The following CACNB2 variants were observed in gnomAD, a reference collection of about 807,000 sequenced individuals.
The protein encoded by CACNB2 is voltage-dependent L-type calcium channel subunit beta-2.
A neutral mutation model predicts 73.3 loss-of-function variants in CACNB2; 42 were observed. The ratio of observed to expected loss-of-function variants is 0.57; its 90% CI spans 0.45 to 0.74. The LOEUF is 0.74. CACNB2 is among the 30% of genes least tolerant of loss of function. The pLI is 0.00. For missense variants in CACNB2, 940 were observed against 853.0 expected (o/e 1.10, Z -1.27); for synonymous variants, 348 against 310.3 (o/e 1.12, Z -1.28).
intron 3 of CACNB2, among the ~76,000 whole-genome samples, chr10:18,429,253 T>C (rs1351101347): frequency 6.6e-6 from 1 of 152,200 alleles, no homozygotes; most frequent in Non-Finnish European, 1.5e-5. Context: ...AGGAGTCAAC[T>C]CTCATTATAA....
At chr10:18,149,809 C>G (rs909401757) in intron 1 of CACNB2, among the ~76,000 whole-genome samples, 1 of 152,130 alleles carries the variant, frequency 6.6e-6, no homozygotes, top group Non-Finnish European at 1.5e-5. Context: ...TCTTCCAACC[C>G]CTGTATAGGT....
chr10:18,336,486 G>A (rs1311567886), intron 2 of CACNB2, among the ~76,000 whole-genome samples: 1 of 152,136 alleles, frequency 6.6e-6, no homozygotes, highest in Admixed American at 6.5e-5. Flanking sequence ...AGGTGTAATG[G>A]CGAGTGCCTG....
At chr10:18,268,477 A>G (rs1316352687) in intron 2 of CACNB2, among the ~76,000 whole-genome samples, 1 of 152,240 alleles carries the variant, frequency 6.6e-6, no homozygotes, top group African/African-American at 2.4e-5. Context: ...ACTTACGTAG[A>G]AGGAGGTTTA....
chr10:18,156,682 C>G (rs1443629742), intron 2 of CACNB2, among the ~76,000 whole-genome samples: 1 of 152,060 alleles, frequency 6.6e-6, no homozygotes, highest in Non-Finnish European at 1.5e-5. Flanking sequence ...TCAAATATTT[C>G]AAAGACAGAA....
chr10:18,299,088 T>TAAAAA (rs138350762), intron 2 of CACNB2, among the ~76,000 whole-genome samples: 16 of 138,424 alleles, frequency 1.2e-4, no homozygotes, highest in Middle Eastern at 3.6e-3. Context: ...AAATAAAAAA[T>TAAAAA]AAAAGAAAAA....
At chr10:18,406,224 G>A (rs2044280712) in intron 3 of CACNB2, among the ~76,000 whole-genome samples, 1 of 152,190 alleles carries the variant, frequency 6.6e-6, no homozygotes, top group South Asian at 2.1e-4. Context: ...TAGGTTGTGG[G>A]GAAGGGAGGG....
intron 2 of CACNB2, among the ~76,000 whole-genome samples, chr10:18,299,940 A>G (rs2039441056): frequency 1.3e-5 from 2 of 152,134 alleles, no homozygotes; most frequent in South Asian, 4.2e-4. Flanking sequence ...ATCTATAGTC[A>G]GTCTCAATCT....
At chr10:18,310,192 A>G (rs1015325845) in intron 2 of CACNB2, among the ~76,000 whole-genome samples, 13 of 152,274 alleles carry the variant, frequency 8.5e-5, no homozygotes, top group Non-Finnish European at 4.4e-5. Context: ...AAAATTTGTC[A>G]ATTAAGATTG....
At chr10:18,262,302 G>A (rs570548768) in intron 2 of CACNB2, among the ~76,000 whole-genome samples, 42 of 90,576 alleles carry the variant, frequency 4.6e-4, no homozygotes, top group Middle Eastern at 0.015. Flanking sequence ...AATAAAGTTG[G>A]AAATGGTGAC....
At chr10:18,314,233 A>G (rs552646528) in intron 2 of CACNB2, among the ~76,000 whole-genome samples, 1 of 152,362 alleles carries the variant, frequency 6.6e-6, no homozygotes, top group African/African-American at 2.4e-5. Flanking sequence ...ATTACTGTTA[A>G]AAGTTGGGAT....
chr10:18,210,021 G>C (rs2035253977), intron 2 of CACNB2, among the ~76,000 whole-genome samples: 1 of 152,156 alleles, frequency 6.6e-6, no homozygotes, highest in Non-Finnish European at 1.5e-5. Context: ...TAATTTTTCA[G>C]AGAATCTTTG....
chr10:18,294,585 A>G (rs1211751279), intron 2 of CACNB2, among the ~76,000 whole-genome samples: 1 of 152,264 alleles, frequency 6.6e-6, no homozygotes, highest in Non-Finnish European at 1.5e-5. Flanking sequence ...AGGAAGTGCC[A>G]GGAATTGAGA....
intron 2 of CACNB2, among the ~76,000 whole-genome samples, chr10:18,388,422 AG>A (rs1444618366): frequency 6.6e-6 from 1 of 152,186 alleles, no homozygotes; most frequent in Non-Finnish European, 1.5e-5. Flanking sequence ...CACCTCCTGA[AG>A]GTGGGTTTGC....
intron 3 of CACNB2, among the ~76,000 whole-genome samples, chr10:18,440,908 A>G (rs1485601665): frequency 2.0e-5 from 3 of 152,232 alleles, no homozygotes; most frequent in African/African-American, 4.8e-5. Context: ...TATGTTGTGA[A>G]TGTTAGAACA....
intron 3 of CACNB2, among the ~76,000 whole-genome samples, chr10:18,469,828 T>G (rs2048089332): frequency 1.3e-5 from 2 of 152,184 alleles, no homozygotes; most frequent in Non-Finnish European, 2.9e-5. Flanking sequence ...GTTGATACAG[T>G]TTCTCTAAAT....
intron 2 of CACNB2, among the ~76,000 whole-genome samples, chr10:18,197,859 T>TATATGAGCTTTGCATATATTAAC (rs2034695669): frequency 6.6e-6 from 1 of 151,058 alleles, no homozygotes; most frequent in African/African-American, 2.4e-5. Flanking sequence ...CTGCTGGAAA[T>TATATGAGCTTTGCATATATTAAC]ATATGAGCTT....
At chr10:18,384,140 T>C (rs2043130054) in intron 2 of CACNB2, among the ~76,000 whole-genome samples, 2 of 152,142 alleles carry the variant, frequency 1.3e-5, no homozygotes, top group South Asian at 2.1e-4. Flanking sequence ...AAGGAACCTG[T>C]AGTCACTGGT....
rs769096823 is a variant in CACNB2 at position 18,539,700 on chromosome 10, C to CAGGGATGTTTA, written c.1960_1970dup (p.Tyr657Ter). ...AACGGAATGAGGCTGGGGAGTGGAA[C>CAGGGATGTTTA]AGGGATGTTTACATCCGCCAATGAG... On this transcript the variant is annotated frameshift_variant, in exon 14 of 14. Coordinates refer to ENST00000324631, the MANE Select transcript of CACNB2 (RefSeq NM_201596.3). LOFTEE classifies it high-confidence loss of function. The CAGGGATGTTTA allele has an allele frequency of 1.9e-6, 3 of 1,608,116 alleles. No individual in the cohort carries two copies. The highest frequency in any genetic ancestry group is 2.2e-5 in the East Asian group (1 of 44,726).
Position 18,518,899 on chromosome 10 carries a change from C to G in CACNB2, c.886-11C>G. On this transcript the variant is annotated splice_polypyrimidine_tract_variant and intron_variant, in intron 8 of 13. Coordinates refer to ENST00000324631, the MANE Select transcript of CACNB2 (RefSeq NM_201596.3). ...TGGTCATATCTTAATTTATTGCTTG[C>G]TCAATTGCAGGTCACAGATATGATG... 4 of 1,611,926 alleles carry G rather than the reference C, an allele frequency of 2.5e-6. No individual in the cohort carries two copies. The highest frequency in any genetic ancestry group is 3.4e-6 in the Non-Finnish European group (4 of 1,178,192).
Sources: gnomAD v4.1 joint callset for allele counts (sites outside exome capture counted in the v4.1 genomes callset) on GRCh38, gnomAD v4.1.1 for gene constraint, MANE v1.5 for transcripts, NCBI Gene and HGNC (gene_info 2026-07-23, HGNC 2026-07-21) for gene names.